Variants in SPAG16 observed in about 807,000 individuals in gnomAD.
SPAG16 encodes the protein sperm-associated antigen 16 protein.
Under a neutral mutation model 80.4 loss-of-function variants are expected in SPAG16, and 86 were observed. The observed-to-expected ratio is 1.07, with a 90% CI of 0.90 to 1.28. The LOEUF (loss-of-function observed/expected upper bound fraction) is 1.28, where lower values mean the gene tolerates loss of function less well. Ranked by LOEUF, SPAG16 falls within the 50% of genes most tolerant of loss-of-function variation. SPAG16 has a pLI of 0.00. For missense variants in SPAG16, 870 were observed against 765.3 expected (o/e 1.14, Z -1.61); for synonymous variants, 294 against 265.9 (o/e 1.11, Z -1.03).
intron 9 of SPAG16, among the ~76,000 whole-genome samples, chr2:213,375,680 A>G (rs918201157): frequency 9.9e-5 from 15 of 152,048 alleles, no homozygotes; most frequent in African/African-American, 3.4e-4. Flanking sequence ...AGTTTAGTTT[A>G]TTGTTTTGAA....
At chr2:213,948,480 T>G (rs1206172262) in intron 12 of SPAG16, among the ~76,000 whole-genome samples, 4 of 152,220 alleles carry the variant, frequency 2.6e-5, no homozygotes, top group Admixed American at 1.3e-4. Context: ...TAATTTTTTT[T>G]GTTTTTATCT....
intron 10 of SPAG16, among the ~76,000 whole-genome samples, chr2:213,648,034 A>G (rs1168849856): frequency 6.6e-6 from 1 of 152,138 alleles, no homozygotes; most frequent in Non-Finnish European, 1.5e-5. Context: ...ATTTTAATAA[A>G]GTTTTCATTT....
chr2:213,353,478 A>C (rs371542551), intron 7 of SPAG16, among the ~76,000 whole-genome samples: 91 of 152,316 alleles, frequency 6.0e-4, no homozygotes, highest in African/African-American at 2.1e-3. Context: ...TTCTAGCACA[A>C]TGTAAAATAT....
chr2:214,163,874 TG>T (rs1303073152), intron 15 of SPAG16, among the ~76,000 whole-genome samples: 18 of 151,926 alleles, frequency 1.2e-4, no homozygotes, highest in Admixed American at 1.2e-3. Flanking sequence ...ATCATTGGAT[TG>T]GATGAGGCCC....
At position 213,388,170 on chromosome 2, in the gene SPAG16, C is replaced by G. The variant is rs150807713; in HGVS notation, c.942+13051C>G. 5.5e-4 allele frequency among the ~76,000 whole-genome samples: 84 copies of G among 152,328 alleles called. No individual in the cohort carries two copies. In the East Asian group the frequency reaches 0.014, roughly 26 times the overall value. On this transcript the variant is annotated intron_variant, in intron 9 of 15. Transcript: ENST00000331683. Reference sequence around the variant, plus strand: ...AGCTGCACACAAATTCCAGGAGTACCTTGCAGGAGCCTGGGTGGGCAAAAA... The same window carrying G: ...AGCTGCACACAAATTCCAGGAGTACGTTGCAGGAGCCTGGGTGGGCAAAAA...
chr2:213,410,732 C>T (rs1338931305), intron 9 of SPAG16, among the ~76,000 whole-genome samples: 1 of 152,226 alleles, frequency 6.6e-6, no homozygotes, highest in African/African-American at 2.4e-5. Context: ...AATTGTTACA[C>T]TTGTGCGCAC....
intron 10 of SPAG16, among the ~76,000 whole-genome samples, chr2:213,681,920 C>G (rs966363566): frequency 1.3e-5 from 2 of 152,114 alleles, no homozygotes; most frequent in South Asian, 2.1e-4. Context: ...ATATTTCTCT[C>G]TTCCTTTGAA....
chr2:213,302,758 T>C (rs2062796287), intron 3 of SPAG16, among the ~76,000 whole-genome samples: 1 of 152,008 alleles, frequency 6.6e-6, no homozygotes, highest in Admixed American at 6.6e-5. Flanking sequence ...TTTAAGGTGG[T>C]CGTATTTCTT....
intron 11 of SPAG16, among the ~76,000 whole-genome samples, chr2:213,908,146 T>G (rs2077506246): frequency 6.6e-6 from 1 of 152,128 alleles, no homozygotes; most frequent in South Asian, 2.1e-4. Context: ...TTATTATGAA[T>G]CAACTAAAGA....
chr2:213,839,184 A>G (rs1232154094), intron 10 of SPAG16, among the ~76,000 whole-genome samples: 1 of 152,188 alleles, frequency 6.6e-6, no homozygotes, highest in Non-Finnish European at 1.5e-5. Context: ...TCAACTGTCA[A>G]TACTATTTAA....
intron 15 of SPAG16, among the ~76,000 whole-genome samples, chr2:214,231,041 G>A (rs1688663175): frequency 1.3e-5 from 2 of 151,920 alleles, no homozygotes; most frequent in African/African-American, 2.4e-5. Context: ...GTTCTAACCC[G>A]CTTCAGTCTA....
chr2:213,504,289 G>C (rs1268947928), intron 10 of SPAG16, among the ~76,000 whole-genome samples: 3 of 152,060 alleles, frequency 2.0e-5, no homozygotes, highest in Non-Finnish European at 4.4e-5. Flanking sequence ...TGGAGGGAAG[G>C]AAGAAAAAGA....
intron 13 of SPAG16, among the ~76,000 whole-genome samples, chr2:214,066,370 C>T (rs1164567506): frequency 6.6e-6 from 1 of 152,148 alleles, no homozygotes; most frequent in African/African-American, 2.4e-5. Flanking sequence ...AAACCCTTCT[C>T]AAACATCAAG....
chr2:213,800,856 G>T (rs1164713025), intron 10 of SPAG16, among the ~76,000 whole-genome samples: 1 of 152,060 alleles, frequency 6.6e-6, no homozygotes, highest in South Asian at 2.1e-4. Context: ...CCAATATTAT[G>T]CTATGCTTTC....
chr2:213,488,139 T>G (rs13005828), intron 9 of SPAG16, among the ~76,000 whole-genome samples: 40,735 of 152,010 alleles, frequency 0.27, 6,358 homozygotes, highest in Middle Eastern at 0.43. Context: ...TGTTTAGTGA[T>G]ATATTAAAAG....
At chr2:213,771,529 T>C (rs953288761) in intron 10 of SPAG16, among the ~76,000 whole-genome samples, 2 of 152,206 alleles carry the variant, frequency 1.3e-5, no homozygotes, top group Admixed American at 6.5e-5. Flanking sequence ...TCTTTGCCCA[T>C]GCCTATATCC....
At chr2:214,409,661 A>G (rs1364274175) in intron 15 of SPAG16, among the ~76,000 whole-genome samples, 2 of 152,186 alleles carry the variant, frequency 1.3e-5, no homozygotes, top group Non-Finnish European at 2.9e-5. Flanking sequence ...TTTTTAAAGC[A>G]GGAATGTATA....
chr2:214,102,492 G>A (rs74865353), intron 13 of SPAG16, among the ~76,000 whole-genome samples: 327 of 152,124 alleles, frequency 2.1e-3, no homozygotes, highest in Middle Eastern at 0.014. Flanking sequence ...TCTCTCTGTG[G>A]TGGTTGAGAA....
At chr2:213,515,874 A>G (rs1297530438) in intron 10 of SPAG16, among the ~76,000 whole-genome samples, 2 of 152,148 alleles carry the variant, frequency 1.3e-5, no homozygotes, top group African/African-American at 4.8e-5. Flanking sequence ...GTGTGTCTAG[A>G]CAGATACCAT....
Sources: gnomAD v4.1 joint callset for allele counts (sites outside exome capture counted in the v4.1 genomes callset) on GRCh38, gnomAD v4.1.1 for gene constraint, MANE v1.5 for transcripts, NCBI Gene and HGNC (gene_info 2026-07-23, HGNC 2026-07-21) for gene names.